The following STK3 variants were observed in gnomAD, a reference collection of about 807,000 sequenced individuals.
The protein encoded by STK3 is serine/threonine kinase 3, also known as serine/threonine-protein kinase 3.
A neutral mutation model predicts 58.0 loss-of-function variants in STK3; 41 were observed. That is an observed-to-expected ratio of 0.71 (90% CI 0.55 to 0.92). The LOEUF is 0.92. STK3 is among the 40% of genes least tolerant of loss of function. The probability of loss-of-function intolerance (pLI) is 0.00; values close to 1 mark genes in which losing one functional copy is unlikely to be tolerated. For synonymous variants in STK3, 170 were observed against 191.0 expected (o/e 0.89, Z 0.91); for missense variants, 479 against 602.7 (o/e 0.79, Z 2.15).
At chr8:98,656,774 G>C (rs1014186232) in intron 6 of STK3, among the ~76,000 whole-genome samples, 2 of 151,892 alleles carry the variant, frequency 1.3e-5, no homozygotes. Context: ...GTTTATAACT[G>C]TTTCTTCTTC....
chr8:98,715,542 C>T (rs1281626589), intron 4 of STK3, among the ~76,000 whole-genome samples: 1 of 152,170 alleles, frequency 6.6e-6, no homozygotes, highest in East Asian at 1.9e-4. Context: ...TGCTCATCAT[C>T]ACTGACCATC....
In STK3 at chr8:98,628,815, A is replaced by T. The variant is rs539047026; in HGVS notation, c.685-32646T>A. ...ATATCCTGTCTCCACTCCCCTCCAC[A>T]CTCCAAAAAAAAAAAAAAAAAAAAA... On this transcript the variant is annotated intron_variant, in intron 6 of 10. Transcript: ENST00000419617. 1.3e-4 allele frequency among the ~76,000 whole-genome samples: 9 copies of T among 67,460 alleles called. No individual in the cohort carries two copies. In the South Asian group the frequency reaches 6.4e-3, roughly 48 times the overall value. The allele number at this position is 67,460 out of a possible 152,430, so 44.3% of individuals were successfully genotyped here.
chr8:98,427,887 C>G (rs1051458420), intron 3 of STK3: 1 of 1,133,646 alleles, frequency 8.8e-7, no homozygotes, highest in Non-Finnish European at 1.2e-6. Flanking sequence ...GGAGAGGGGG[C>G]CCCGCCAGGG....
chr8:98,407,990 A>C (rs1270522074), intron 3 of STK3, among the ~76,000 whole-genome samples: 1 of 152,208 alleles, frequency 6.6e-6, no homozygotes, highest in African/African-American at 2.4e-5. Flanking sequence ...TGCAAGTTAG[A>C]GATGATCAAA....
the STK3 span, among the ~76,000 whole-genome samples, chr8:98,358,116 C>A: frequency 2.0e-5 from 3 of 152,160 alleles, no homozygotes; most frequent in African/African-American, 7.2e-5. Flanking sequence ...GATTTTTCGC[C>A]TCACACAAGA....
intron 3 of STK3, among the ~76,000 whole-genome samples, chr8:98,866,995 G>A (rs935263208): frequency 3.3e-5 from 5 of 152,168 alleles, no homozygotes; most frequent in African/African-American, 4.8e-5. Context: ...CTTGACAGGA[G>A]GGGAGGGAGG....
At chr8:98,897,624 C>A (rs888294998) in intron 1 of STK3, among the ~76,000 whole-genome samples, 12 of 152,004 alleles carry the variant, frequency 7.9e-5, no homozygotes, top group African/African-American at 2.4e-4. Flanking sequence ...AAAAAAAAGT[C>A]TTTTTATCCT....
chr8:98,782,107 G>C (rs1315341040), intron 1 of STK3: 1 of 235,362 alleles, frequency 4.2e-6, no homozygotes, highest in African/African-American at 2.3e-5. Flanking sequence ...AAGAAGATCT[G>C]GCTGGACACC....
At position 98,887,252 on chromosome 8, in the gene STK3, G is replaced by A. The variant is rs374046931; in HGVS notation, c.-78-3418C>T. Among the ~76,000 whole-genome samples, 73 of 152,068 alleles carry A rather than the reference G, an allele frequency of 4.8e-4. 1 individual carries two copies. The Middle Eastern group carries it at 0.01, about 21-fold the overall frequency. ...AGAAACAACCATCCATTTTCCCCCC[G>A]AATCAAAATCTGAAATTTTCTGAGT... On this transcript the variant is annotated intron_variant, in intron 1 of 1. Coordinates refer to the STK3 transcript ENST00000519420.
At chr8:98,598,072 C>A (rs1357971804) in intron 6 of STK3, 2 of 985,222 alleles carry the variant, frequency 2.0e-6, no homozygotes, top group Non-Finnish European at 2.4e-6. Flanking sequence ...GTTCAAAGGA[C>A]TTACATAAGC....
chr8:98,510,027 A>C (rs1824379594), intron 10 of STK3, among the ~76,000 whole-genome samples: 1 of 152,054 alleles, frequency 6.6e-6, no homozygotes, highest in Non-Finnish European at 1.5e-5. Flanking sequence ...ATTCAAAAGA[A>C]AGGTTTAAAA....
chr8:98,893,421 G>GGAAGGAAAGAAAGAAA (rs1838281363), intron 1 of STK3, among the ~76,000 whole-genome samples: 3 of 60,490 alleles, frequency 5.0e-5, no homozygotes, highest in Non-Finnish European at 1.0e-4. Context: ...AAGGAAGGAA[G>GGAAGGAAAGAAAGAAA]GAAAGAAAGA....
intron 6 of STK3, chr8:98,598,507 C>A (rs1030707295): frequency 7.1e-6 from 7 of 985,238 alleles, no homozygotes; most frequent in Admixed American, 1.2e-4. Flanking sequence ...AAGGTTAGCT[C>A]ATCAATAATA....
chr8:98,614,725 T>C (rs1817522666), intron 6 of STK3, among the ~76,000 whole-genome samples: 1 of 152,124 alleles, frequency 6.6e-6, no homozygotes. Flanking sequence ...CGGGTCACTC[T>C]CACCCGAATA....
chr8:98,530,654 TG>T (rs1826105149), intron 9 of STK3, among the ~76,000 whole-genome samples: 2 of 152,210 alleles, frequency 1.3e-5, no homozygotes, highest in African/African-American at 4.8e-5. Context: ...TGAAGTTTGC[TG>T]TATCAGTTAA....
intron 1 of STK3, among the ~76,000 whole-genome samples, chr8:98,887,846 C>T (rs1441297436): frequency 3.3e-5 from 5 of 152,200 alleles, no homozygotes; most frequent in Non-Finnish European, 7.3e-5. Flanking sequence ...CAAAGTACCA[C>T]AAAGCCAAGC....
chr8:98,526,378 C>T (rs182951563), intron 10 of STK3: 1 of 154,782 alleles, frequency 6.5e-6, no homozygotes, highest in Admixed American at 6.5e-5. Context: ...TCATAAATAC[C>T]TTTGCTTCAT....
At chr8:98,926,464 A>G (rs1839802038) in intron 1 of STK3, among the ~76,000 whole-genome samples, 2 of 152,146 alleles carry the variant, frequency 1.3e-5, no homozygotes, top group African/African-American at 2.4e-5. Context: ...CCTCAAGTTT[A>G]TCATACCCCG....
chr8:98,595,899 G>A, intron 7 of STK3, 133 bp downstream of exon 7: 1 of 993,470 alleles, frequency 1.0e-6, no homozygotes, highest in South Asian at 2.8e-5. Context: ...AAGAAAAGAA[G>A]GGAGCAAACA....
Sources: gnomAD v4.1 joint callset for allele counts (sites outside exome capture counted in the v4.1 genomes callset) on GRCh38, gnomAD v4.1.1 for gene constraint, MANE v1.5 for transcripts, NCBI Gene and HGNC (gene_info 2026-07-23, HGNC 2026-07-21) for gene names.